Variants in RSPH1 observed in about 807,000 individuals in gnomAD.
RSPH1 encodes the protein radial spoke head 1 homolog.
In RSPH1, 32 loss-of-function variants were observed where a neutral mutation model predicts 44.2. The observed-to-expected ratio is 0.72, with a 90% CI of 0.55 to 0.97. The LOEUF is 0.97. RSPH1 is among the 50% of genes least tolerant of loss of function. The pLI, the probability that RSPH1 is intolerant of heterozygous loss-of-function variation, is 0.00. For synonymous variants in RSPH1, 134 were observed against 147.3 expected (o/e 0.91, Z 0.65); for missense variants, 391 against 398.7 (o/e 0.98, Z 0.16).
chr21:42,493,289 A>C (rs994564179), intron 1 of RSPH1, among the ~76,000 whole-genome samples: 1 of 152,216 alleles, frequency 6.6e-6, no homozygotes, highest in Non-Finnish European at 1.5e-5. Flanking sequence ...ACACCCCAGC[A>C]CATGTCCAGG....
intron 1 of RSPH1, among the ~76,000 whole-genome samples, chr21:42,494,186 C>T (rs1266926623): frequency 6.6e-6 from 1 of 152,192 alleles, no homozygotes; most frequent in Admixed American, 6.5e-5. Flanking sequence ...ATGCTGAAAG[C>T]ATCCAGTAAT....
In RSPH1 at chr21:42,472,830, G is replaced by A. The variant is rs745460991; in HGVS notation, c.918C>T (p.Asp306=). 1.2e-6 allele frequency: 2 copies of A among 1,609,948 alleles called. No homozygotes were observed. Among genetic ancestry groups the A allele is most frequent in the Admixed American group, 1.7e-5 (1 of 59,920 alleles). The part of the protein sequence containing the change: ...NSEEEETRQS[D]LQD The stretch of plus-strand genomic sequence containing the variant: ...GGCTCACTTCATCTTAGTCCTGGAG[G>A]TCTGACTGTCTAGTTTCTTCTTCTT... The change falls in exon 9 of 9, where the codon GAC becomes GAT. Residue 306 remains aspartate (D), a synonymous_variant. Transcript: ENST00000291536.
At chr21:42,492,890 T>C (rs2054249906) in intron 2 of RSPH1, 27 bp from the exon 3 acceptor site, 2 of 1,570,152 alleles carry the variant, frequency 1.3e-6, no homozygotes, top group African/African-American at 2.7e-5. Context: ...ATATCATTCA[T>C]ATCATTGCTG....
intron 7 of RSPH1, 57 bp from the exon 8 acceptor site, chr21:42,476,104 C>A: frequency 6.3e-7 from 1 of 1,584,086 alleles, no homozygotes; most frequent in Non-Finnish European, 8.6e-7. Flanking sequence ...AGCCTGCAGA[C>A]CTGTGCAGGG....
Position 42,485,650 on chromosome 21 carries a change from T to A in RSPH1, c.501+19A>T. On this transcript the variant is annotated intron_variant, in intron 5 of 8. Transcript: ENST00000291536. ...TTATTTTGTACTTCATTGGCAAATG[T>A]CACTTCCCATGGACTTACATTTTTG... 6.2e-7 allele frequency: 1 copy of A among 1,613,966 alleles called. No homozygotes were observed. The highest frequency in any genetic ancestry group is 1.3e-5 in the African/African-American group (1 of 74,984).
intron 4 of RSPH1, chr21:42,486,073 G>C (rs537627050): frequency 5.2e-6 from 3 of 579,752 alleles, no homozygotes; most frequent in African/African-American, 3.7e-5. Context: ...GGCAGAGCTA[G>C]TGGGAGCTGT....
chr21:42,492,843 AT>A lies in RSPH1; in HGVS notation c.188del (p.Asn63MetfsTer80). The A allele has an allele frequency of 6.2e-7, 1 of 1,613,186 alleles. No individual in the cohort carries two copies. The highest frequency in any genetic ancestry group is 8.5e-7 in the Non-Finnish European group (1 of 1,179,164). The part of the protein sequence containing the change: ...RHGQGIYKFK[N>X]GARYIGEYVR... ...CATATTCTCCGATATATCGAGCACC[AT>A]TTTTAAATTTGTAGATCCCCTGAAA... On this transcript the variant is annotated frameshift_variant, in exon 3 of 9. Coordinates refer to ENST00000291536, the MANE Select transcript of RSPH1 (RefSeq NM_080860.4). LOFTEE classifies it high-confidence loss of function.
At position 42,478,000 on chromosome 21, in the gene RSPH1, G is replaced by A. The variant is rs148794436; in HGVS notation, c.574-556C>T. 8.1e-4 allele frequency among the ~76,000 whole-genome samples: 124 copies of A among 152,242 alleles called. 2 individuals carry two copies. The East Asian group carries it at 0.022, about 27-fold the overall frequency. ...CCATATGATATGGATTTGCATAAAC[G>A]CAAAAGCTCAAGTGTCAAGGATTAT... On this transcript the variant is annotated intron_variant, in intron 6 of 8. Transcript: ENST00000291536.
At chr21:42,480,990 A>G (rs559236240) in intron 6 of RSPH1, among the ~76,000 whole-genome samples, 1 of 152,272 alleles carries the variant, frequency 6.6e-6, no homozygotes, top group East Asian at 1.9e-4. Flanking sequence ...CAACAAAAAA[A>G]CAAAACGAGG....
chr21:42,481,711 G>A (rs2047245646), intron 6 of RSPH1, among the ~76,000 whole-genome samples: 1 of 152,180 alleles, frequency 6.6e-6, no homozygotes, highest in South Asian at 2.1e-4. Context: ...ACCAGGGTCA[G>A]GAAATGTTGC....
At chr21:42,483,660 T>C (rs2054152652) in intron 5 of RSPH1, among the ~76,000 whole-genome samples, 1 of 152,218 alleles carries the variant, frequency 6.6e-6, no homozygotes, top group Admixed American at 6.5e-5. Context: ...TTTTCTAATC[T>C]ATAAGAAGTT....
intron 3 of RSPH1, among the ~76,000 whole-genome samples, chr21:42,492,383 CG>C (rs2054244330): frequency 6.6e-6 from 1 of 152,162 alleles, no homozygotes; most frequent in Non-Finnish European, 1.5e-5. Flanking sequence ...CGTCAGATGG[CG>C]GGGTTGGTCA....
rs574992268 is a variant in RSPH1, at chr21:42,495,821, G to A, written c.54+312C>T. Among the ~76,000 whole-genome samples, 3 of 152,282 alleles carry A rather than the reference G, an allele frequency of 2.0e-5. No individual in the cohort carries two copies. The East Asian group carries it at 5.8e-4, about 29-fold the overall frequency. ...TCATCCGAGAAAACTGCCTCGATGGGAATTAACACAGGGAGGAGGAAACTT... is the reference window on the plus strand; with the variant it reads ...TCATCCGAGAAAACTGCCTCGATGGAAATTAACACAGGGAGGAGGAAACTT... On this transcript the variant is annotated intron_variant, in intron 1 of 8. Coordinates refer to ENST00000291536, the MANE Select transcript of RSPH1 (RefSeq NM_080860.4).
chr21:42,492,779 GAT>G lies in RSPH1; in HGVS notation c.251_252del (p.Tyr84SerfsTer7), dbSNP rs746862375. 6.2e-7 allele frequency: 1 copy of G among 1,602,372 alleles called. No individual in the cohort carries two copies. Among genetic ancestry groups the G allele is most frequent in the South Asian group, 1.1e-5 (1 of 90,808 alleles). On this transcript the variant is annotated frameshift_variant, in exon 3 of 9. Transcript: ENST00000291536. LOFTEE classifies it high-confidence loss of function. ...NKKHGQGTFIYPDGSRYEGEW... is the reference protein window; with the variant it reads ...NKKHGQGTFIXPDGSRYEGEW... Reference sequence around the variant, plus strand: ...TTACCTTCATATCTGGATCCATCTGGATATATAAAAGTGCCTTGACCGTGCTT... The same window carrying G: ...TTACCTTCATATCTGGATCCATCTGGATATAAAAGTGCCTTGACCGTGCTT...
chr21:42,479,760 CAT>C (rs1555875661), intron 6 of RSPH1, among the ~76,000 whole-genome samples: 2 of 150,754 alleles, frequency 1.3e-5, no homozygotes, highest in African/African-American at 4.9e-5. Context: ...CACACACACA[CAT>C]AAATGAAGTG....
At chr21:42,485,503 G>A (rs2146654933) in intron 5 of RSPH1, 166 bp downstream of exon 5, 1 of 717,738 alleles carries the variant, frequency 1.4e-6, no homozygotes, top group Non-Finnish European at 2.3e-6. Context: ...TGCTCTGTGG[G>A]TACCAGAGGC....
chr21:42,474,237 G>C lies in RSPH1; in HGVS notation c.878-1367C>G, dbSNP rs149866401. 6.6e-6 allele frequency among the ~76,000 whole-genome samples: 1 copy of C among 152,132 alleles called. No homozygotes were observed. Among genetic ancestry groups the C allele is most frequent in the Non-Finnish European group, 1.5e-5 (1 of 68,016 alleles). On this transcript the variant is annotated intron_variant, in intron 8 of 8. Transcript: ENST00000291536. This position sits in a 1 kb window ranked among gnomAD's most constrained non-coding sequence, Gnocchi z 5.2. ...AAGGCCATCTGGTTCCAAGGGAAAG[G>C]GGCCACCTCCCCACCCCCACACTCT...
intron 6 of RSPH1, among the ~76,000 whole-genome samples, chr21:42,478,843 C>A (rs1355081678): frequency 1.3e-5 from 2 of 152,138 alleles, no homozygotes; most frequent in African/African-American, 2.4e-5. Context: ...TTGAAAACGT[C>A]GTGCTAAATG....
chr21:42,476,989 CCTCT>C lies in RSPH1; in HGVS notation c.727+298_727+301del, dbSNP rs1412673262. On this transcript the variant is annotated intron_variant, in intron 7 of 8. Transcript: ENST00000291536. ...CCCACAGCCTGGGGATGCCCCACAC[CCTCT>C]GTCCCACAGCCCGGGGGATGCCCCA... Among the ~76,000 whole-genome samples the C allele has an allele frequency of 1.5e-4, 10 of 67,792 alleles. 1 individual carries two copies. In the East Asian group the frequency reaches 3.7e-3, roughly 25 times the overall value. The allele number at this position is 67,792 out of a possible 152,430, so 44.5% of individuals were successfully genotyped here. A position where few individuals can be genotyped will look rare whatever the true frequency, so the allele number is the denominator to read the frequency against.
Sources: allele counts gnomAD v4.1 joint callset (sites outside exome capture counted in the v4.1 genomes callset), GRCh38; gene constraint gnomAD v4.1.1; non-coding constraint Gnocchi (gnomAD v3.1); transcripts MANE v1.5; gene names NCBI Gene and HGNC (gene_info 2026-07-23, HGNC 2026-07-21).